The following CEP89 variants were observed in gnomAD, a reference collection of about 807,000 sequenced individuals.
CEP89 encodes the protein centrosomal protein 89, also known as centrosomal protein of 89 kDa.
Under a neutral mutation model 97.6 loss-of-function variants are expected in CEP89, and 95 were observed. The observed-to-expected ratio is 0.97, with a 90% CI of 0.82 to 1.15. The LOEUF is 1.15. Ranked by LOEUF, CEP89 falls within the 50% of genes most tolerant of loss-of-function variation. The pLI, the probability that CEP89 is intolerant of heterozygous loss-of-function variation, is 0.00. For synonymous variants in CEP89, 354 were observed against 349.1 expected (o/e 1.01, Z -0.16); for missense variants, 869 against 947.7 (o/e 0.92, Z 1.09).
chr19:32,881,449 G>T (rs1292290545), intron 18 of CEP89, among the ~76,000 whole-genome samples: 6 of 152,208 alleles, frequency 3.9e-5, no homozygotes. Flanking sequence ...AGAACCGCTT[G>T]AATCCGGGAG....
chr19:32,956,781 TTAAACA>T (rs1473040243), intron 3 of CEP89, among the ~76,000 whole-genome samples: 1 of 152,246 alleles, frequency 6.6e-6, no homozygotes, highest in African/African-American at 2.4e-5. Flanking sequence ...TATAAATTTC[TTAAACA>T]TAAAAGCGAT....
intron 16 of CEP89, 23 bp from the exon 17 acceptor site, chr19:32,887,864 G>C (rs750255433): frequency 7.5e-7 from 1 of 1,337,306 alleles, no homozygotes; most frequent in Admixed American, 1.8e-5. Context: ...GTGATAAATG[G>C]GCTCTCAGTT....
intron 5 of CEP89, among the ~76,000 whole-genome samples, chr19:32,945,995 C>A (rs1970789827): frequency 6.6e-6 from 1 of 152,194 alleles, no homozygotes; most frequent in Non-Finnish European, 1.5e-5. Flanking sequence ...AGAGCTGCTT[C>A]CTCCTGAAGC....
At chr19:32,925,306 C>T (rs1051484189) in intron 11 of CEP89, among the ~76,000 whole-genome samples, 18 of 152,246 alleles carry the variant, frequency 1.2e-4, no homozygotes, top group South Asian at 4.1e-4. Context: ...CTCCGCTGCG[C>T]GAAGTCATTC....
At chr19:32,952,149 T>C (rs1252443371) in intron 4 of CEP89, among the ~76,000 whole-genome samples, 4 of 152,050 alleles carry the variant, frequency 2.6e-5, no homozygotes, top group Non-Finnish European at 5.9e-5. Context: ...AACAGCCACA[T>C]AAGGATCCCT....
At chr19:32,961,394 C>A (rs1358905530) in intron 2 of CEP89, among the ~76,000 whole-genome samples, 1 of 149,124 alleles carries the variant, frequency 6.7e-6, no homozygotes, top group Non-Finnish European at 1.5e-5. Context: ...CATGGTGAAA[C>A]CCTGTCTCTA....
In CEP89 at chr19:32,879,142, A is replaced by C. The variant is rs776078700; in HGVS notation, c.*20T>G. 5.7e-6 allele frequency: 9 copies of C among 1,585,944 alleles called. No homozygotes were observed. In the East Asian group the frequency reaches 1.6e-4, roughly 28 times the overall value. On this transcript the variant is annotated 3_prime_UTR_variant, in exon 19 of 19. Coordinates refer to ENST00000305768, the MANE Select transcript of CEP89 (RefSeq NM_032816.5). ...GACCTTTCAGGCCAGAGGAGGCTACACCACGGGCTCCCGCAGATTCTAGCA... is the reference window on the plus strand; with the variant it reads ...GACCTTTCAGGCCAGAGGAGGCTACCCCACGGGCTCCCGCAGATTCTAGCA...
At chr19:32,910,461 A>G (rs1020339991) in intron 14 of CEP89, among the ~76,000 whole-genome samples, 11 of 152,310 alleles carry the variant, frequency 7.2e-5, no homozygotes, top group Admixed American at 1.3e-4. Flanking sequence ...ACTCTCGTAG[A>G]CTAAATACTG....
chr19:32,905,627 T>C (rs961947880), intron 14 of CEP89, among the ~76,000 whole-genome samples: 2 of 152,200 alleles, frequency 1.3e-5, no homozygotes, highest in African/African-American at 4.8e-5. Flanking sequence ...TTGACATAAA[T>C]TATTTCTAGG....
intron 4 of CEP89, among the ~76,000 whole-genome samples, chr19:32,952,621 G>A (rs1970945773): frequency 6.6e-6 from 1 of 151,798 alleles, no homozygotes; most frequent in African/African-American, 2.4e-5. Flanking sequence ...AAAGAAAAAG[G>A]GGCTAGGCAC....
At chr19:32,917,504 C>T (rs3752223) in intron 13 of CEP89, among the ~76,000 whole-genome samples, 32,069 of 152,196 alleles carry the variant, frequency 0.21, 3,563 homozygotes, top group Admixed American at 0.32. Flanking sequence ...ATCTGCTTCT[C>T]AGGGTGCCAC....
chr19:32,955,836 A>T (rs943430696), intron 3 of CEP89, among the ~76,000 whole-genome samples: 1 of 152,050 alleles, frequency 6.6e-6, no homozygotes. Flanking sequence ...TCTTGAGTCA[A>T]ATGGTGTGAA....
rs187596195 is a variant in CEP89, at chr19:32,896,990, G to C, written c.1875+2867C>G. Reference sequence around the variant, plus strand: ...ATGAGATATCATCTTACTCCAGTTAGAATGGCTATCATTAAAAAGACAAAA... The same window carrying C: ...ATGAGATATCATCTTACTCCAGTTACAATGGCTATCATTAAAAAGACAAAA... On this transcript the variant is annotated intron_variant, in intron 16 of 18. Coordinates refer to ENST00000305768, the MANE Select transcript of CEP89 (RefSeq NM_032816.5). 2.8e-3 allele frequency among the ~76,000 whole-genome samples: 429 copies of C among 152,268 alleles called. 3 individuals are homozygous for C. Among genetic ancestry groups the C allele is most frequent in the African/African-American group, 9.6e-3 (400 of 41,540 alleles).
At chr19:32,913,725 G>A (rs76814253) in intron 14 of CEP89, among the ~76,000 whole-genome samples, 7,691 of 147,832 alleles carry the variant, frequency 0.052, 249 homozygotes, top group South Asian at 0.15. Context: ...TGCAACCTCC[G>A]CCTCCCAGGT....
At chr19:32,907,224 G>A (rs781327843) in intron 14 of CEP89, among the ~76,000 whole-genome samples, 3 of 152,108 alleles carry the variant, frequency 2.0e-5, no homozygotes, top group South Asian at 2.1e-4. Context: ...AGCCCCGCAC[G>A]ATGGCGCGTG....
At chr19:32,956,951 G>T (rs1473839136) in intron 3 of CEP89, among the ~76,000 whole-genome samples, 1 of 152,122 alleles carries the variant, frequency 6.6e-6, no homozygotes, top group Non-Finnish European at 1.5e-5. Context: ...TTATTTTAGT[G>T]TATGACTTAG....
chr19:32,953,616 T>C lies in CEP89; in HGVS notation c.491A>G (p.Gln164Arg), dbSNP rs771114401. The stretch of plus-strand genomic sequence containing the variant: ...GAAAACTGGGAACATAGAAAACACC[T>C]GATTTCTGTGTGGCACAGCGTACAG... ...DDLYAVPHRN[Q>R]VPLLHEVNSE... The change falls in exon 4 of 19, where the codon CAG becomes CGG. Residue 164 changes from glutamine to arginine, a missense_variant and splice_region_variant. Physicochemically the swap from Gln to Arg is conservative, Grantham distance 43. Transcript: ENST00000305768. 1.9e-6 allele frequency: 3 copies of C among 1,596,196 alleles called. No individual in the cohort carries two copies. The highest frequency in any genetic ancestry group is 1.7e-5 in the Admixed American group (1 of 58,002).
At chr19:32,959,767 G>T in intron 3 of CEP89, 133 bp downstream of exon 3, 1 of 882,496 alleles carries the variant, frequency 1.1e-6, no homozygotes, top group Non-Finnish European at 1.7e-6. Context: ...ATAAATACAT[G>T]CATGAGCACC....
chr19:32,885,274 G>A (rs1173101106), intron 17 of CEP89, among the ~76,000 whole-genome samples: 1 of 152,050 alleles, frequency 6.6e-6, no homozygotes, highest in East Asian at 1.9e-4. Flanking sequence ...TATATTCTTC[G>A]CTCACTACAA....
Sources: allele counts gnomAD v4.1 joint callset (sites outside exome capture counted in the v4.1 genomes callset), GRCh38; gene constraint gnomAD v4.1.1; transcripts MANE v1.5; gene names NCBI Gene and HGNC (gene_info 2026-07-23, HGNC 2026-07-21).